The following SYN3 variants were observed in gnomAD, a reference collection of about 807,000 sequenced individuals.
SYN3 encodes synapsin-3.
In SYN3, 35 loss-of-function variants were observed where a neutral mutation model predicts 65.8. The observed-to-expected ratio is 0.53, with a 90% CI of 0.41 to 0.70. The LOEUF is 0.70. SYN3 is among the 30% of genes least tolerant of loss of function. The pLI, the probability that SYN3 is intolerant of heterozygous loss-of-function variation, is 0.00. For missense variants in SYN3, 680 were observed against 749.0 expected (o/e 0.91, Z 1.08); for synonymous variants, 270 against 292.9 (o/e 0.92, Z 0.80).
At chr22:32,735,548 T>C (rs557323451) in intron 6 of SYN3, among the ~76,000 whole-genome samples, 1 of 152,078 alleles carries the variant, frequency 6.6e-6, no homozygotes, top group Admixed American at 6.6e-5. Flanking sequence ...TGTTTGTTTT[T>C]TCCCCCAGCT....
intron 10 of SYN3, 44 bp downstream of exon 10, chr22:32,533,749 G>A: frequency 7.0e-7 from 1 of 1,420,446 alleles, no homozygotes; most frequent in Non-Finnish European, 9.9e-7. Context: ...TGGCACGCCT[G>A]CCAGGCTGGA....
intron 1 of SYN3, among the ~76,000 whole-genome samples, chr22:33,052,415 CCTCCTCCTCCTT>C (rs918549451): frequency 3.3e-5 from 5 of 152,144 alleles, no homozygotes; most frequent in Non-Finnish European, 7.3e-5. Context: ...TCTTTCTCCT[CCTCCTCCTCCTT>C]CTCCTCCTCC....
intron 4 of SYN3, among the ~76,000 whole-genome samples, chr22:32,870,097 G>A (rs1287124065): frequency 6.6e-6 from 1 of 152,036 alleles, no homozygotes; most frequent in African/African-American, 2.4e-5. Context: ...GGGGCAATAG[G>A]GAGCACTTAT....
chr22:32,958,310 G>C (rs774158738), intron 3 of SYN3, among the ~76,000 whole-genome samples: 2 of 152,224 alleles, frequency 1.3e-5, no homozygotes, highest in Admixed American at 1.3e-4. Context: ...CAGGATAAGT[G>C]TGTCCGGAAT....
chr22:32,986,550 G>A (rs2052533079), intron 2 of SYN3, among the ~76,000 whole-genome samples: 1 of 152,156 alleles, frequency 6.6e-6, no homozygotes, highest in African/African-American at 2.4e-5. Flanking sequence ...CCTCCTTGCC[G>A]GGGGCTCATT....
intron 6 of SYN3, among the ~76,000 whole-genome samples, chr22:32,627,329 C>G (rs1369626610): frequency 6.6e-6 from 1 of 152,156 alleles, no homozygotes; most frequent in African/African-American, 2.4e-5. Flanking sequence ...ACCAGGAAAA[C>G]AGATGACTTG....
chr22:32,780,003 A>C (rs1021153746), intron 6 of SYN3, among the ~76,000 whole-genome samples: 4 of 134,624 alleles, frequency 3.0e-5, no homozygotes, highest in African/African-American at 5.5e-5. Flanking sequence ...CCTGCCCTAA[A>C]GATTGCAGTG....
intron 7 of SYN3, among the ~76,000 whole-genome samples, chr22:32,568,588 A>G (rs2058703807): frequency 6.6e-6 from 1 of 152,140 alleles, no homozygotes; most frequent in Non-Finnish European, 1.5e-5. Context: ...TTATTCCTGT[A>G]ACCTCACAGG....
At chr22:32,888,539 T>A (rs908113806) in intron 4 of SYN3, among the ~76,000 whole-genome samples, 1 of 152,190 alleles carries the variant, frequency 6.6e-6, no homozygotes, top group Admixed American at 6.5e-5. Context: ...GACATCTCAT[T>A]ATAATTTGTA....
At chr22:32,991,223 T>C (rs989851975) in intron 2 of SYN3, among the ~76,000 whole-genome samples, 2 of 147,034 alleles carry the variant, frequency 1.4e-5, no homozygotes, top group African/African-American at 2.5e-5. Flanking sequence ...TGGTGGTGCA[T>C]ACTACCGGGG....
intron 7 of SYN3, among the ~76,000 whole-genome samples, chr22:32,569,571 C>CTCTATATATATATATA (rs1205661126): frequency 5.5e-5 from 5 of 90,936 alleles, no homozygotes; most frequent in African/African-American, 1.9e-4. Context: ...CTCTCTCTCT[C>CTCTATATATATATATA]TATATATATA....
chr22:32,851,182 G>A (rs573744728), intron 6 of SYN3, among the ~76,000 whole-genome samples: 3 of 152,150 alleles, frequency 2.0e-5, no homozygotes, highest in South Asian at 4.1e-4. Context: ...GACAGCGCGG[G>A]AATGCCAAAG....
chr22:32,775,627 C>T (rs2045889461), intron 6 of SYN3, among the ~76,000 whole-genome samples: 1 of 152,210 alleles, frequency 6.6e-6, no homozygotes, highest in Non-Finnish European at 1.5e-5. Flanking sequence ...AACCCACCAA[C>T]CTCAAGGTAT....
intron 6 of SYN3, among the ~76,000 whole-genome samples, chr22:32,740,615 G>T (rs968896200): frequency 6.6e-6 from 1 of 152,226 alleles, no homozygotes; most frequent in East Asian, 1.9e-4. Flanking sequence ...GCTGGAAATT[G>T]CAGATGTCTT....
At chr22:32,993,909 C>T (rs2052799861) in intron 2 of SYN3, among the ~76,000 whole-genome samples, 1 of 152,138 alleles carries the variant, frequency 6.6e-6, no homozygotes, top group African/African-American at 2.4e-5. Context: ...TCAGATTTCT[C>T]CCCACACTCT....
At chr22:32,895,805 G>A (rs903762649) in intron 4 of SYN3, among the ~76,000 whole-genome samples, 1 of 152,138 alleles carries the variant, frequency 6.6e-6, no homozygotes, top group East Asian at 1.9e-4. Flanking sequence ...TTCAAAGGGA[G>A]CCAGCAGAGT....
intron 3 of SYN3, among the ~76,000 whole-genome samples, chr22:32,944,305 G>A (rs912047409): frequency 2.0e-5 from 3 of 152,070 alleles, no homozygotes; most frequent in Non-Finnish European, 4.4e-5. Context: ...ACTCAAAACC[G>A]CTCAACTACA....
chr22:32,797,969 C>T (rs2046469511), intron 6 of SYN3, among the ~76,000 whole-genome samples: 3 of 152,246 alleles, frequency 2.0e-5, no homozygotes, highest in Admixed American at 2.0e-4. Flanking sequence ...CACAGCTATT[C>T]TGCAACATTG....
At chr22:32,980,524 A>G in intron 3 of SYN3, 121 bp downstream of exon 3, 1 of 898,060 alleles carries the variant, frequency 1.1e-6, no homozygotes, top group Non-Finnish European at 1.8e-6. Flanking sequence ...ATAAGCTTGG[A>G]CTTTTCTGGT....
Sources: allele counts gnomAD v4.1 joint callset (sites outside exome capture counted in the v4.1 genomes callset), GRCh38; gene constraint gnomAD v4.1.1; transcripts MANE v1.5; gene names NCBI Gene and HGNC (gene_info 2026-07-23, HGNC 2026-07-21).